KCNJ15: variants seen among roughly 807,000 people sequenced by gnomAD.
KCNJ15 encodes the protein potassium inwardly rectifying channel subfamily J member 15, also known as ATP-sensitive inward rectifier potassium channel 15.
KCNJ15 carries 14 observed loss-of-function variants against 23.0 expected under a neutral mutation model. The observed-to-expected ratio is 0.61, with a 90% CI of 0.40 to 0.95. KCNJ15 has a LOEUF of 0.95. KCNJ15 is among the 40% of genes least tolerant of loss of function. KCNJ15 has a pLI of 0.00. For synonymous variants in KCNJ15, 185 were observed against 183.2 expected (o/e 1.01, Z -0.08); for missense variants, 388 against 461.8 (o/e 0.84, Z 1.46).
intron 1 of KCNJ15, among the ~76,000 whole-genome samples, chr21:38,270,268 C>T (rs764341034): frequency 6.6e-6 from 1 of 152,080 alleles, no homozygotes; most frequent in Non-Finnish European, 1.5e-5. Flanking sequence ...GTTGGTGTAT[C>T]CCATATCTCC....
In KCNJ15 at chr21:38,299,144, T is replaced by C; in HGVS notation, c.-18-100T>C. 1 of 911,684 alleles carries C rather than the reference T, an allele frequency of 1.1e-6. No homozygotes were observed. Among genetic ancestry groups the C allele is most frequent in the Non-Finnish European group, 1.7e-6 (1 of 591,368 alleles). 56.5% of individuals were successfully genotyped at this position (911,684 alleles called of 1,614,324 possible). Reference sequence around the variant, plus strand: ...GCCTTCAGAATTCTCCTTTCTTGTGTACTTCCATGTACATTCATACTTACT... The same window carrying C: ...GCCTTCAGAATTCTCCTTTCTTGTGCACTTCCATGTACATTCATACTTACT... On this transcript the variant is annotated intron_variant, in intron 2 of 2. Coordinates refer to ENST00000398938, the MANE Select transcript of KCNJ15 (RefSeq NM_170736.3). The surrounding 1 kb of genome is among the most constrained non-coding windows in gnomAD (Gnocchi z 4.5).
At chr21:38,255,166 C>T (rs1252912975), upstream of KCNJ15, among the ~76,000 whole-genome samples, 1 of 152,108 alleles carries the variant, frequency 6.6e-6, no homozygotes, top group Admixed American at 6.5e-5. Flanking sequence ...GGATCAGGAC[C>T]AGATCAGATA....
At chr21:38,287,844 C>A (rs2836288) in intron 1 of KCNJ15, among the ~76,000 whole-genome samples, 65,633 of 151,606 alleles carry the variant, frequency 0.43, 15,496 homozygotes, top group Non-Finnish European at 0.54. Context: ...CTGCTTTCAA[C>A]TTTGGGACAA....
chr21:38,296,107 T>C lies in KCNJ15; in HGVS notation c.-116-819T>C, dbSNP rs1378830403. Reference sequence around the variant, plus strand: ...GACAGATGGATGATTGATAGATAGATACAGATCATAGATAATTGATAGGTA... The same window carrying C: ...GACAGATGGATGATTGATAGATAGACACAGATCATAGATAATTGATAGGTA... On this transcript the variant is annotated intron_variant, in intron 1 of 2. Coordinates refer to ENST00000398938, the MANE Select transcript of KCNJ15 (RefSeq NM_170736.3). Among the ~76,000 whole-genome samples, 8 of 152,126 alleles carry C rather than the reference T, an allele frequency of 5.3e-5. No homozygotes were observed. In the East Asian group the frequency reaches 5.8e-4, roughly 11 times the overall value.
At chr21:38,275,977 C>T (rs923174499) in intron 1 of KCNJ15, among the ~76,000 whole-genome samples, 2 of 151,954 alleles carry the variant, frequency 1.3e-5, no homozygotes, top group African/African-American at 4.8e-5. Flanking sequence ...CTAGGCAGAC[C>T]TTGTGTTAGA....
intron 1 of KCNJ15, among the ~76,000 whole-genome samples, chr21:38,247,518 A>G (rs1282809314): frequency 7.7e-6 from 1 of 129,932 alleles, no homozygotes; most frequent in Non-Finnish European, 1.6e-5. Context: ...GGATAGATGC[A>G]TAGGTGGATG....
chr21:38,230,562 C>A (rs1373039277), intron 1 of KCNJ15, among the ~76,000 whole-genome samples: 1 of 152,136 alleles, frequency 6.6e-6, no homozygotes, highest in African/African-American at 2.4e-5. Flanking sequence ...CTATTTTTCT[C>A]TCTTGTCAGT....
intron 1 of KCNJ15, among the ~76,000 whole-genome samples, chr21:38,258,293 G>T (rs1330701417): frequency 6.6e-6 from 1 of 152,194 alleles, no homozygotes; most frequent in Non-Finnish European, 1.5e-5. Context: ...CAAAAGAAAA[G>T]TGTCCCATAA....
chr21:38,285,192 A>G (rs1490540670), intron 1 of KCNJ15, among the ~76,000 whole-genome samples: 2 of 152,228 alleles, frequency 1.3e-5, no homozygotes, highest in Non-Finnish European at 2.9e-5. Flanking sequence ...AAAACTTTAT[A>G]TGAACCCTCT....
At chr21:38,271,128 G>A (rs185455704) in intron 1 of KCNJ15, among the ~76,000 whole-genome samples, 34 of 152,350 alleles carry the variant, frequency 2.2e-4, no homozygotes, top group African/African-American at 6.3e-4. Context: ...AAGAAAAGAT[G>A]CTCTTGTAAA....
upstream of KCNJ15, chr21:38,256,634 A>G (rs928513401): frequency 1.3e-5 from 2 of 152,016 alleles, no homozygotes; most frequent in African/African-American, 4.8e-5. Context: ...TTATTTATTT[A>G]TAGTTTACTT....
intron 1 of KCNJ15, among the ~76,000 whole-genome samples, chr21:38,249,770 A>G (rs1051967577): frequency 6.6e-6 from 1 of 152,228 alleles, no homozygotes; most frequent in African/African-American, 2.4e-5. Context: ...CCCTATTATT[A>G]GGCATTCTTT....
rs994768927 is a variant in KCNJ15 at position 38,293,151 on chromosome 21, A to C, written c.-116-3775A>C. Among the ~76,000 whole-genome samples, 7 of 152,286 alleles carry C rather than the reference A, an allele frequency of 4.6e-5. No homozygotes were observed. In the South Asian group the frequency reaches 1.5e-3, roughly 32 times the overall value. On this transcript the variant is annotated intron_variant, in intron 1 of 2. Coordinates refer to ENST00000398938, the MANE Select transcript of KCNJ15 (RefSeq NM_170736.3). Reference sequence around the variant, plus strand: ...CTCTAAGAACTGTGTGGCTTACAGCAACAAGAATTTTTTCTCACCTGTGTT... The same window carrying C: ...CTCTAAGAACTGTGTGGCTTACAGCCACAAGAATTTTTTCTCACCTGTGTT...
At chr21:38,249,896 C>T (rs1683048192) in intron 1 of KCNJ15, among the ~76,000 whole-genome samples, 1 of 152,134 alleles carries the variant, frequency 6.6e-6, no homozygotes, top group African/African-American at 2.4e-5. Context: ...TCATTTTTAG[C>T]TTAATGTATT....
intron 1 of KCNJ15, among the ~76,000 whole-genome samples, chr21:38,288,242 C>T (rs979698187): frequency 8.6e-5 from 13 of 151,392 alleles, no homozygotes; most frequent in Middle Eastern, 3.2e-3. Context: ...AGGGTTTCAC[C>T]GTGTTAGCCA....
At chr21:38,295,177 G>T (rs1205533249) in intron 1 of KCNJ15, among the ~76,000 whole-genome samples, 1 of 152,088 alleles carries the variant, frequency 6.6e-6, no homozygotes, top group Non-Finnish European at 1.5e-5. Flanking sequence ...TATCACTCTA[G>T]TATATCAACT....
upstream of KCNJ15, among the ~76,000 whole-genome samples, chr21:38,252,770 C>T (rs1240433122): frequency 6.6e-6 from 1 of 152,188 alleles, no homozygotes; most frequent in Admixed American, 6.5e-5. Flanking sequence ...GATTGCAAAG[C>T]ATTCTATCAC....
Position 38,299,343 on chromosome 21 carries a change from C to T in KCNJ15, c.82C>T (p.Arg28Cys), listed in dbSNP as rs757894746. The change falls in exon 3 of 3, where the codon CGC becomes TGC. Residue 28 changes from arginine (R) to cysteine (C), a missense_variant. Transcript: ENST00000398938. The surrounding 1 kb of genome is among the most constrained non-coding windows in gnomAD (Gnocchi z 4.5). The stretch of plus-strand genomic sequence containing the variant: ...GGCTGGGCTCAAGGCCAACAGACCC[C>T]GCGTCATGTCCAAGAGTGGGCACAG... Reference protein sequence around the residue: ...AGAGLKANRPRVMSKSGHSNV... With the variant: ...AGAGLKANRPCVMSKSGHSNV... 2.7e-5 allele frequency: 43 copies of T among 1,614,020 alleles called. No individual in the cohort carries two copies. The highest frequency in any genetic ancestry group is 3.2e-5 in the Non-Finnish European group (38 of 1,180,026).
Position 38,306,102 on chromosome 21 carries a change from G to A in KCNJ15, c.*5713G>A, listed in dbSNP as rs1267315183. 1 of 152,186 alleles carries A rather than the reference G, an allele frequency of 6.6e-6. No individual in the cohort carries two copies. The highest frequency in any genetic ancestry group is 1.9e-4 in the East Asian group (1 of 5,188). The allele number at this position is 152,186 out of a possible 1,614,324, so 9.4% of individuals were successfully genotyped here. A position where few individuals can be genotyped will look rare whatever the true frequency, so the allele number is the denominator to read the frequency against. On this transcript the variant is annotated 3_prime_UTR_variant, in exon 3 of 3. Coordinates refer to ENST00000398938, the MANE Select transcript of KCNJ15 (RefSeq NM_170736.3). Reference sequence around the variant, plus strand: ...GAGCCCAGATTCTCAAGCCCCAGTTGCAGAATTAGGCTGATGGTTTTACAA... The same window carrying A: ...GAGCCCAGATTCTCAAGCCCCAGTTACAGAATTAGGCTGATGGTTTTACAA...
Sources: gnomAD v4.1 joint callset for allele counts (sites outside exome capture counted in the v4.1 genomes callset) on GRCh38, gnomAD v4.1.1 for gene constraint, Gnocchi (gnomAD v3.1) non-coding constraint, MANE v1.5 for transcripts, NCBI Gene and HGNC (gene_info 2026-07-23, HGNC 2026-07-21) for gene names.